FAM153A: variants seen among roughly 807,000 people sequenced by gnomAD.
FAM153A encodes the protein protein FAM153A.
Under a neutral mutation model 48.1 loss-of-function variants are expected in FAM153A, and 12 were observed. The ratio of observed to expected loss-of-function variants is 0.25; its 90% CI spans 0.16 to 0.40. FAM153A has a LOEUF of 0.40. FAM153A is among the 10% of genes least tolerant of loss of function. The pLI is 1.00. For synonymous variants in FAM153A, 36 were observed against 118.2 expected (o/e 0.30, Z 4.51); for missense variants, 111 against 345.8 (o/e 0.32, Z 5.38).
Position 177,715,957 on chromosome 5 carries a change from T to C in FAM153A, c.*1222+388A>G, listed in dbSNP as rs565207547. ...TCTAAAAGTGCTGGGATTACAGGAG[T>C]GAGCCATCATGCCCAGCTTAGATTA... On this transcript the variant is annotated intron_variant and NMD_transcript_variant, in intron 25 of 26. Transcript: ENST00000360669. Among the ~76,000 whole-genome samples, 3 of 151,316 alleles carry C rather than the reference T, an allele frequency of 2.0e-5. No individual in the cohort carries two copies. In the South Asian group the frequency reaches 6.3e-4, roughly 32 times the overall value.
chr5:177,717,411 G>A (rs1200853120), downstream of FAM153A: 1 of 150,102 alleles, frequency 6.7e-6, no homozygotes, highest in Non-Finnish European at 1.5e-5. Flanking sequence ...GGTAATCAAT[G>A]TAAAAGGAAT....
intron 4 of FAM153A, among the ~76,000 whole-genome samples, chr5:177,746,604 G>C (rs1408683899): frequency 6.6e-6 from 1 of 150,972 alleles, no homozygotes; most frequent in Admixed American, 6.6e-5. Flanking sequence ...ACCATTTAAA[G>C]ATGACCTCTA....
intron 18 of FAM153A, among the ~76,000 whole-genome samples, chr5:177,728,487 T>C (rs1169901812): frequency 8.8e-5 from 13 of 148,178 alleles, no homozygotes; most frequent in African/African-American, 3.3e-4. Flanking sequence ...CCACCTTACA[T>C]GACACTGCTG....
At chr5:177,716,963 T>TTGTGTGTG (rs1561866290) in intron 24 of FAM153A, among the ~76,000 whole-genome samples, 1 of 56,354 alleles carries the variant, frequency 1.8e-5, no homozygotes, top group African/African-American at 7.5e-5. Context: ...CATTCCCGCT[T>TTGTGTGTG]AGTGTGTGTG....
the FAM153A span, among the ~76,000 whole-genome samples, chr5:177,700,599 C>T: frequency 6.6e-6 from 1 of 151,700 alleles, no homozygotes; most frequent in Non-Finnish European, 1.5e-5. Context: ...GGTAGGAGGT[C>T]AAGACCAGCC....
downstream of FAM153A, chr5:177,722,361 C>T (rs1244086284): frequency 1.4e-5 from 2 of 144,302 alleles, no homozygotes; most frequent in Admixed American, 7.0e-5. Flanking sequence ...AACTCCTGAC[C>T]TCAGGTGATC....
At chr5:177,704,260 G>A (rs572684013), downstream of FAM153A, among the ~76,000 whole-genome samples, 75 of 75,686 alleles carry the variant, frequency 9.9e-4, no homozygotes, top group African/African-American at 5.4e-3. Context: ...CCCTGGAGGC[G>A]GTTTCTCTGT....
downstream of FAM153A, chr5:177,706,850 A>G (rs1406633515): frequency 4.6e-5 from 7 of 151,974 alleles, no homozygotes; most frequent in Admixed American, 6.5e-5. Flanking sequence ...AGTGAGATTC[A>G]ATGAAGATGA....
the FAM153A span, among the ~76,000 whole-genome samples, chr5:177,698,997 C>T: frequency 4.4e-3 from 673 of 151,640 alleles, 10 homozygotes; most frequent in East Asian, 0.034. Flanking sequence ...GGCAGGGTCT[C>T]ACTATATTCC....
At chr5:177,756,771 ATCT>A (rs1202946583), upstream of FAM153A, among the ~76,000 whole-genome samples, 1 of 146,516 alleles carries the variant, frequency 6.8e-6, no homozygotes, top group East Asian at 2.0e-4. Context: ...AGAAATAAAG[ATCT>A]TCTTTGAAAC....
chr5:177,769,451 C>T (rs6881966), intron 1 of FAM153A, among the ~76,000 whole-genome samples: 1,148 of 95,702 alleles, frequency 0.012, 367 homozygotes, highest in African/African-American at 0.046. Flanking sequence ...TGTCTTAGAA[C>T]GTTATCTCCC....
intron 1 of FAM153A, among the ~76,000 whole-genome samples, chr5:177,772,413 G>C (rs1769160894): frequency 1.7e-5 from 1 of 59,664 alleles, no homozygotes; most frequent in East Asian, 5.0e-4. Flanking sequence ...CACCGTGCGC[G>C]AGCCGAAGCA....
intron 10 of FAM153A, among the ~76,000 whole-genome samples, chr5:177,738,593 C>T (rs113891729): frequency 0.047 from 7,135 of 151,232 alleles, 712 homozygotes; most frequent in African/African-American, 0.14. Context: ...CCACCCACTC[C>T]TGAGTTCACC....
At chr5:177,769,747 C>A (rs1769002701) in intron 1 of FAM153A, among the ~76,000 whole-genome samples, 1 of 95,520 alleles carries the variant, frequency 1.0e-5, no homozygotes, top group Non-Finnish European at 2.2e-5. Flanking sequence ...TAACAAGGCC[C>A]AAATTCACCT....
chr5:177,759,210 T>A (rs926943871), intron 1 of FAM153A, among the ~76,000 whole-genome samples: 1 of 151,726 alleles, frequency 6.6e-6, no homozygotes, highest in Non-Finnish European at 1.5e-5. Context: ...AACAGACACA[T>A]GAAAAAATGC....
chr5:177,705,250 G>T (rs1350279589), downstream of FAM153A, among the ~76,000 whole-genome samples: 2 of 151,808 alleles, frequency 1.3e-5, no homozygotes, highest in Admixed American at 1.3e-4. Context: ...GTTGCAGTGA[G>T]CCAAGATCAT....
At chr5:177,704,697 G>A (rs76873202), downstream of FAM153A, among the ~76,000 whole-genome samples, 237 of 151,774 alleles carry the variant, frequency 1.6e-3, 4 homozygotes, top group African/African-American at 5.3e-3. Flanking sequence ...TCATGAGATC[G>A]GGTTGTTTAA....
chr5:177,758,784 T>C (rs1225863662), intron 1 of FAM153A, among the ~76,000 whole-genome samples: 1 of 146,256 alleles, frequency 6.8e-6, no homozygotes, highest in East Asian at 2.0e-4. Context: ...TGTAGAAAGC[T>C]GAAACTAGAT....
At position 177,769,220 on chromosome 5, in the gene FAM153A, G is replaced by A. The variant is rs1456481636; in HGVS notation, c.-57+11229C>T. Among the ~76,000 whole-genome samples, 3 of 52,526 alleles carry A rather than the reference G, an allele frequency of 5.7e-5. 1 individual carries two copies. The South Asian group carries it at 2.7e-3, about 46-fold the overall frequency. 34.5% of individuals were successfully genotyped at this position (52,526 alleles called of 152,430 possible). On this transcript the variant is annotated intron_variant, in intron 1 of 8. Coordinates refer to the FAM153A transcript ENST00000393518. ...TGCACTCCAGCCTGGGCGACAGCGAGACTCCGTCCCAAAAAAAAAAAAAAA... is the reference window on the plus strand; with the variant it reads ...TGCACTCCAGCCTGGGCGACAGCGAAACTCCGTCCCAAAAAAAAAAAAAAA...
Sources: allele counts gnomAD v4.1 joint callset (sites outside exome capture counted in the v4.1 genomes callset), GRCh38; gene constraint gnomAD v4.1.1; transcripts MANE v1.5; gene names NCBI Gene and HGNC (gene_info 2026-07-23, HGNC 2026-07-21).